The following TNRC18 variants were observed in gnomAD, a reference collection of about 807,000 sequenced individuals.
TNRC18 encodes trinucleotide repeat containing 18.
In TNRC18, 69 loss-of-function variants were observed where a neutral mutation model predicts 226.7. The ratio of observed to expected loss-of-function variants is 0.30; its 90% CI spans 0.25 to 0.37. TNRC18 has a LOEUF of 0.37. TNRC18 is among the 10% of genes least tolerant of loss of function. TNRC18 has a pLI of 1.00. For missense variants in TNRC18, 4,754 were observed against 4,256.6 expected (o/e 1.12, Z -3.25); for synonymous variants, 2,449 against 1,927.6 (o/e 1.27, Z -7.09).
intron 11 of TNRC18, among the ~76,000 whole-genome samples, chr7:5,365,429 T>C (rs1197498383): frequency 6.6e-6 from 1 of 151,706 alleles, no homozygotes. Flanking sequence ...CTTTTTGTAA[T>C]AGGAGCACAT....
At chr7:5,325,879 G>A (rs1438727816) in intron 19 of TNRC18, among the ~76,000 whole-genome samples, 1 of 151,650 alleles carries the variant, frequency 6.6e-6, no homozygotes, top group Non-Finnish European at 1.5e-5. Flanking sequence ...TGGACTACAG[G>A]TGCACACCAC....
chr7:5,329,670 G>C (rs1028241081), intron 19 of TNRC18, among the ~76,000 whole-genome samples: 13 of 111,684 alleles, frequency 1.2e-4, no homozygotes, highest in African/African-American at 3.8e-4. Context: ...GCGACACAGT[G>C]AGACTCCGTC....
At chr7:5,375,656 C>T (rs867332990) in intron 9 of TNRC18, among the ~76,000 whole-genome samples, 17 of 152,252 alleles carry the variant, frequency 1.1e-4, no homozygotes, top group South Asian at 2.1e-4. Flanking sequence ...TGTGCCTCTC[C>T]GAGAGGCCAC....
At position 5,409,355 on chromosome 7, in the gene TNRC18, TA is replaced by T. The variant is rs969516786; in HGVS notation, c.187+11704del. ...GCATGAAACAAGAACAGGATGCTAT[TA>T]AAAAAAAAAGCAAACTCAGGTTATA... On this transcript the variant is annotated intron_variant, in intron 2 of 29. Coordinates refer to ENST00000430969, the MANE Select transcript of TNRC18 (RefSeq NM_001080495.3). Among the ~76,000 whole-genome samples, 199 of 147,644 alleles carry T rather than the reference TA, an allele frequency of 1.3e-3. 1 individual carries two copies. Among genetic ancestry groups the T allele is most frequent in the African/African-American group, 3.2e-3 (130 of 40,294 alleles).
Position 5,324,022 on chromosome 7 carries a change from C to T in TNRC18, c.6442+192G>A, listed in dbSNP as rs1231119377. On this transcript the variant is annotated intron_variant, in intron 21 of 29. Coordinates refer to ENST00000430969, the MANE Select transcript of TNRC18 (RefSeq NM_001080495.3). The surrounding 1 kb of genome is among the most constrained non-coding windows in gnomAD (Gnocchi z 4.8). ...TCCCAGGGCCGCTCTCTTGCCTCAT[C>T]TGCAGTTGACTAAGCTGCAGCCAGT... Among the ~76,000 whole-genome samples, 2 of 152,254 alleles carry T rather than the reference C, an allele frequency of 1.3e-5. No individual in the cohort carries two copies. Among genetic ancestry groups the T allele is most frequent in the African/African-American group, 4.8e-5 (2 of 41,474 alleles).
chr7:5,357,968 T>C (rs549423779), intron 15 of TNRC18, among the ~76,000 whole-genome samples: 7 of 152,300 alleles, frequency 4.6e-5, no homozygotes, highest in Non-Finnish European at 1.0e-4. Flanking sequence ...CACTGCTTGG[T>C]GCCTCCTAAG....
intron 10 of TNRC18, among the ~76,000 whole-genome samples, chr7:5,372,832 T>G (rs1794292178): frequency 6.6e-6 from 1 of 152,056 alleles, no homozygotes; most frequent in Non-Finnish European, 1.5e-5. Flanking sequence ...AGACCAGCCT[T>G]GGCAACAAAG....
chr7:5,349,235 C>T (rs1012337564), intron 17 of TNRC18, among the ~76,000 whole-genome samples: 8 of 152,136 alleles, frequency 5.3e-5, no homozygotes, highest in Admixed American at 1.3e-4. Context: ...GCTGCTCCTG[C>T]GGGGTCTGGT....
intron 8 of TNRC18, 102 bp downstream of exon 8, chr7:5,376,745 C>T: frequency 7.0e-7 from 1 of 1,431,036 alleles, no homozygotes; most frequent in Non-Finnish European, 9.5e-7. Context: ...AGCCCCAGAT[C>T]TGCCGGCCGC....
In TNRC18 at chr7:5,312,861, G is replaced by T. The variant is rs1220604268; in HGVS notation, c.8030C>A (p.Ser2677Tyr). 3 of 1,525,860 alleles carry T rather than the reference G, an allele frequency of 2.0e-6. No individual in the cohort carries two copies. Among genetic ancestry groups the T allele is most frequent in the African/African-American group, 1.4e-5 (1 of 73,310 alleles). 94.5% of individuals were successfully genotyped at this position (1,525,860 alleles called of 1,614,324 possible). The stretch of plus-strand genomic sequence containing the variant: ...TGCCTCATCGTCCGAGCTGCAGGAA[G>T]AGTCCTCGTCTGTGGTGGAGGAAGA... ...SSSSSTTDEDSSCSSDDEAAP... is the reference protein window; with the variant it reads ...SSSSSTTDEDYSCSSDDEAAP... Residue 2677 changes from serine to tyrosine, a missense_variant, in exon 27 of 30, where the codon TCT (serine) becomes TAT (tyrosine). By Grantham distance (144) the Ser-to-Tyr change is moderately radical. Coordinates refer to ENST00000430969, the MANE Select transcript of TNRC18 (RefSeq NM_001080495.3). This position sits in a 1 kb window ranked among gnomAD's most constrained non-coding sequence, Gnocchi z 6.3.
intron 5 of TNRC18, among the ~76,000 whole-genome samples, chr7:5,382,541 G>A (rs1403081851): frequency 6.6e-6 from 1 of 151,646 alleles, no homozygotes; most frequent in Non-Finnish European, 1.5e-5. Flanking sequence ...GGGGTCCGGG[G>A]AAGCGGATCG....
chr7:5,311,762 G>A (rs778104811), intron 27 of TNRC18, among the ~76,000 whole-genome samples: 40 of 151,838 alleles, frequency 2.6e-4, no homozygotes, highest in Non-Finnish European at 5.6e-4. Flanking sequence ...AAGCTGCAGT[G>A]AGCCACGATG....
At chr7:5,413,491 C>T (rs1781969598) in intron 2 of TNRC18, among the ~76,000 whole-genome samples, 1 of 152,182 alleles carries the variant, frequency 6.6e-6, no homozygotes, top group Non-Finnish European at 1.5e-5. Flanking sequence ...CTTCTCTCCT[C>T]GTCTACCAGA....
intron 5 of TNRC18, among the ~76,000 whole-genome samples, chr7:5,379,992 A>C (rs868547798): frequency 1.1e-4 from 16 of 152,296 alleles, no homozygotes; most frequent in Middle Eastern, 6.8e-3. Context: ...CAGCACAGAG[A>C]AACTATCCTT....
rs780722576 is a variant in TNRC18, at chr7:5,332,692, C to T, written c.6077G>A (p.Cys2026Tyr). The change falls in exon 19 of 30, where the codon TGC becomes TAC. Residue 2026 changes from cysteine (C) to tyrosine (Y), a missense_variant. Coordinates refer to ENST00000430969, the MANE Select transcript of TNRC18 (RefSeq NM_001080495.3). ...STAPATKTSR[C>Y]AKGGPLSPRK... is the part of the protein sequence containing the mutation. The stretch of plus-strand genomic sequence containing the variant: ...CGGGCTCAGGGGGCCGCCCTTGGCG[C>T]AGCGGCTGGTCTTGGTGGCGGGCGC... 6.5e-7 allele frequency: 1 copy of T among 1,530,976 alleles called. No individual in the cohort carries two copies. Among genetic ancestry groups the T allele is most frequent in the Non-Finnish European group, 8.8e-7 (1 of 1,142,074 alleles). 94.8% of individuals were successfully genotyped at this position (1,530,976 alleles called of 1,614,324 possible).
chr7:5,372,070 A>T (rs896029509), intron 10 of TNRC18, among the ~76,000 whole-genome samples: 17 of 144,800 alleles, frequency 1.2e-4, no homozygotes, highest in Non-Finnish European at 2.0e-4. Flanking sequence ...CGCCTGGCTA[A>T]TTTTTTTTTT....
At chr7:5,404,562 G>C (rs1173760792) in intron 2 of TNRC18, among the ~76,000 whole-genome samples, 1 of 152,100 alleles carries the variant, frequency 6.6e-6, no homozygotes, top group Non-Finnish European at 1.5e-5. Context: ...GGAAGGATGA[G>C]AACTGAGCCA....
At chr7:5,368,284 T>C (rs371916204) in intron 11 of TNRC18, among the ~76,000 whole-genome samples, 3 of 147,154 alleles carry the variant, frequency 2.0e-5, no homozygotes, top group African/African-American at 7.5e-5. Context: ...CTGGCCAACA[T>C]GGCGAAACCC....
At chr7:5,375,704 G>A (rs573741169) in intron 9 of TNRC18, among the ~76,000 whole-genome samples, 6 of 152,234 alleles carry the variant, frequency 3.9e-5, no homozygotes, top group East Asian at 1.9e-4. Context: ...AGGCAACAGC[G>A]GGAGCCCACT....
Sources: gnomAD v4.1 joint callset for allele counts (sites outside exome capture counted in the v4.1 genomes callset) on GRCh38, gnomAD v4.1.1 for gene constraint, Gnocchi (gnomAD v3.1) non-coding constraint, MANE v1.5 for transcripts, NCBI Gene and HGNC (gene_info 2026-07-23, HGNC 2026-07-21) for gene names.